The following CACNA2D3 variants were observed in gnomAD, a reference collection of about 807,000 sequenced individuals.
The protein encoded by CACNA2D3 is calcium voltage-gated channel auxiliary subunit alpha2delta 3.
A neutral mutation model predicts 160.6 loss-of-function variants in CACNA2D3; 60 were observed. The observed-to-expected ratio is 0.37, with a 90% CI of 0.30 to 0.46. The LOEUF (loss-of-function observed/expected upper bound fraction) is 0.46. Ranked by LOEUF, CACNA2D3 falls within the 20% of genes least tolerant of loss-of-function variation. The pLI is 1.00. For synonymous variants in CACNA2D3, 558 were observed against 492.9 expected, an observed-to-expected ratio of 1.13 and a Z score of -1.75; for missense variants, 1,205 against 1,365.0, an observed-to-expected ratio of 0.88 and a Z score of 1.85.
chr3:54,244,543 G>A (rs930650643), intron 2 of CACNA2D3, among the ~76,000 whole-genome samples: 4 of 152,132 alleles, frequency 2.6e-5, no homozygotes, highest in African/African-American at 9.7e-5. Flanking sequence ...TCTTGATCTG[G>A]GGTAATGCCT....
At chr3:54,892,944 G>A (rs1238807297) in intron 25 of CACNA2D3, among the ~76,000 whole-genome samples, 1 of 152,162 alleles carries the variant, frequency 6.6e-6, no homozygotes, top group Non-Finnish European at 1.5e-5. Flanking sequence ...TGAAAAGTGA[G>A]AGCGATGATC....
intron 35 of CACNA2D3, among the ~76,000 whole-genome samples, chr3:55,022,092 G>A (rs574503301): frequency 5.3e-5 from 8 of 151,990 alleles, no homozygotes; most frequent in East Asian, 3.8e-4. Flanking sequence ...GCTTATGGAC[G>A]TTTTTGTGCC....
intron 2 of CACNA2D3, among the ~76,000 whole-genome samples, chr3:54,199,914 C>T (rs1042264613): frequency 1.5e-4 from 23 of 152,146 alleles, no homozygotes; most frequent in African/African-American, 5.3e-4. Context: ...AAATCCAGCC[C>T]ACTGCCTCTG....
At position 55,025,613 on chromosome 3, in the gene CACNA2D3, G is replaced by A. The variant is rs571792239; in HGVS notation, c.2987+7296G>A. 1.5e-4 allele frequency among the ~76,000 whole-genome samples: 18 copies of A among 121,038 alleles called. No individual in the cohort carries two copies. The South Asian group carries it at 4.5e-3, about 30-fold the overall frequency. The allele number at this position is 121,038 out of a possible 152,430, so 79.4% of individuals were successfully genotyped here. On this transcript the variant is annotated intron_variant, in intron 35 of 37. Transcript: ENST00000474759. ...TGCGCCACTGCACTCCAGCCTGGGTGACAGAATGAGACTCTATCTCCAAAA... is the reference window on the plus strand; with the variant it reads ...TGCGCCACTGCACTCCAGCCTGGGTAACAGAATGAGACTCTATCTCCAAAA...
chr3:54,810,275 A>T (rs1703268855), intron 13 of CACNA2D3, among the ~76,000 whole-genome samples: 1 of 152,158 alleles, frequency 6.6e-6, no homozygotes. Context: ...GGAGGGCTGG[A>T]GTGAACCTGG....
At chr3:54,980,350 AAC>A in intron 29 of CACNA2D3, among the ~76,000 whole-genome samples, 1 of 152,176 alleles carries the variant, frequency 6.6e-6, no homozygotes. Flanking sequence ...CTACCTCTTT[AAC>A]TTTAGTCAAT....
chr3:54,509,590 G>A lies in CACNA2D3; in HGVS notation c.544+5936G>A, dbSNP rs139095830. 6.2e-3 allele frequency among the ~76,000 whole-genome samples: 943 copies of A among 152,170 alleles called. 6 individuals are homozygous for A. The highest frequency in any genetic ancestry group is 0.011 in the African/African-American group (457 of 41,536). ...AGAAATAACACTCGAGAACCTCCTC[G>A]CACATGGTCTGTTGGTACCTACAGT... On this transcript the variant is annotated intron_variant, in intron 5 of 37. Coordinates refer to ENST00000474759, the MANE Select transcript of CACNA2D3 (RefSeq NM_018398.3).
intron 2 of CACNA2D3, chr3:54,177,802 T>A (rs1700704469): frequency 6.6e-6 from 1 of 152,168 alleles, no homozygotes; most frequent in South Asian, 2.1e-4. Flanking sequence ...TTGTCCCCTA[T>A]ATTTATCTTT....
chr3:54,378,058 A>G (rs536606255), intron 3 of CACNA2D3, among the ~76,000 whole-genome samples: 8 of 152,304 alleles, frequency 5.3e-5, no homozygotes, highest in Non-Finnish European at 1.2e-4. Flanking sequence ...CTGGAAACGT[A>G]TAATTAAGGG....
At position 54,372,273 on chromosome 3, in the gene CACNA2D3, G is replaced by A. The variant is rs144230822; in HGVS notation, c.322-14442G>A. On this transcript the variant is annotated intron_variant, in intron 3 of 37. Transcript: ENST00000474759. ...CAACTGTCTTAACTCACAAAGTGGC[G>A]TTTTTGTTGGGTTTGCCATTTCTCT... Among the ~76,000 whole-genome samples, 105 of 152,308 alleles carry A rather than the reference G, an allele frequency of 6.9e-4. No individual in the cohort carries two copies. The East Asian group carries it at 0.012, about 18-fold the overall frequency.
chr3:54,727,520 A>G (rs1312438623), intron 11 of CACNA2D3, among the ~76,000 whole-genome samples: 8 of 152,238 alleles, frequency 5.3e-5, no homozygotes, highest in Non-Finnish European at 1.0e-4. Context: ...ATGTCTATCA[A>G]TAATAGACTG....
chr3:54,927,882 A>T, intron 27 of CACNA2D3: 1 of 1,613,498 alleles, frequency 6.2e-7, no homozygotes, highest in Non-Finnish European at 8.5e-7. Flanking sequence ...GAACTTTTCC[A>T]ACGGGAATTG....
intron 2 of CACNA2D3, among the ~76,000 whole-genome samples, chr3:54,156,854 A>G (rs2107290741): frequency 6.6e-6 from 1 of 152,388 alleles, no homozygotes; most frequent in South Asian, 2.1e-4. Context: ...AGAACTGCTC[A>G]GCTGAGCCCT....
intron 2 of CACNA2D3, among the ~76,000 whole-genome samples, chr3:54,305,651 A>G (rs111558899): frequency 0.015 from 2,275 of 152,340 alleles, 53 homozygotes; most frequent in African/African-American, 0.05. Flanking sequence ...GTGGCAGATC[A>G]CCATTCACAC....
chr3:54,708,156 A>C (rs573433992), intron 11 of CACNA2D3, among the ~76,000 whole-genome samples: 31 of 152,326 alleles, frequency 2.0e-4, no homozygotes, highest in African/African-American at 6.7e-4. Flanking sequence ...GAGTCGATCA[A>C]AGAACATATA....
chr3:54,149,027 C>A (rs981639636), intron 2 of CACNA2D3, among the ~76,000 whole-genome samples: 3 of 148,444 alleles, frequency 2.0e-5, no homozygotes, highest in Non-Finnish European at 4.5e-5. Context: ...CAATACAGAT[C>A]ACAGGGAGAA....
At chr3:54,762,840 C>G (rs1702103634) in intron 12 of CACNA2D3, among the ~76,000 whole-genome samples, 2 of 152,160 alleles carry the variant, frequency 1.3e-5, no homozygotes, top group African/African-American at 2.4e-5. Context: ...GCCTGTAATC[C>G]CAGCACTTTG....
chr3:54,385,973 A>G (rs749832968), intron 3 of CACNA2D3: 2 of 505,304 alleles, frequency 4.0e-6, no homozygotes, highest in Admixed American at 2.1e-5. Flanking sequence ...GGTGGGAAAT[A>G]TCTTATTGTA....
At chr3:54,123,306 A>C (rs1358693877) in intron 1 of CACNA2D3, among the ~76,000 whole-genome samples, 2 of 150,498 alleles carry the variant, frequency 1.3e-5, no homozygotes. Flanking sequence ...TAACTCCGCG[A>C]CCCCCCTCGG....
Sources: gnomAD v4.1 joint callset for allele counts (sites outside exome capture counted in the v4.1 genomes callset) on GRCh38, gnomAD v4.1.1 for gene constraint, MANE v1.5 for transcripts, NCBI Gene and HGNC (gene_info 2026-07-23, HGNC 2026-07-21) for gene names.